Variants in CUX1 observed in about 807,000 individuals in gnomAD.
CUX1 encodes the protein cut like homeobox 1.
A neutral mutation model predicts 158.8 loss-of-function variants in CUX1; 31 were observed. That is an observed-to-expected ratio of 0.20 (90% CI 0.15 to 0.26). The LOEUF (loss-of-function observed/expected upper bound fraction) is 0.26. Ranked by LOEUF, CUX1 falls within the 10% of genes least tolerant of loss-of-function variation. CUX1 has a pLI of 1.00. For synonymous variants in CUX1, 879 were observed against 862.1 expected (o/e 1.02, Z -0.34); for missense variants, 1,589 against 2,014.6 (o/e 0.79, Z 4.04).
chr7:102,182,154 T>C (rs989650528), intron 11 of CUX1, among the ~76,000 whole-genome samples: 3 of 152,222 alleles, frequency 2.0e-5, no homozygotes, highest in Non-Finnish European at 4.4e-5. Flanking sequence ...TGGGCTCAGC[T>C]GTTTGGAGTT....
chr7:102,114,081 G>A (rs142910899), intron 7 of CUX1, among the ~76,000 whole-genome samples: 35 of 152,232 alleles, frequency 2.3e-4, no homozygotes, highest in Non-Finnish European at 4.4e-4. Flanking sequence ...GAGAACTGAA[G>A]GTTATTGCCA....
intron 2 of CUX1, among the ~76,000 whole-genome samples, chr7:102,025,206 T>C (rs1819843814): frequency 6.6e-6 from 1 of 152,204 alleles, no homozygotes; most frequent in Admixed American, 6.6e-5. Flanking sequence ...ATCCCTGACA[T>C]AATCCCATCT....
chr7:101,823,097 G>A (rs924929308), intron 1 of CUX1, among the ~76,000 whole-genome samples: 9 of 152,036 alleles, frequency 5.9e-5, no homozygotes, highest in African/African-American at 2.2e-4. Context: ...CTAACTGCAG[G>A]AGGCCCAGGA....
chr7:101,853,917 G>A (rs1365729922), intron 1 of CUX1, among the ~76,000 whole-genome samples: 1 of 152,206 alleles, frequency 6.6e-6, no homozygotes, highest in Non-Finnish European at 1.5e-5. Context: ...TGACCGCAGT[G>A]GCATTTTGCA....
intron 1 of CUX1, among the ~76,000 whole-genome samples, chr7:101,840,447 C>T (rs1329649121): frequency 2.0e-5 from 3 of 152,252 alleles, no homozygotes; most frequent in East Asian, 3.9e-4. Context: ...TATAAATAGG[C>T]GTTATCCTCT....
At chr7:101,861,484 C>T (rs1383858874) in intron 1 of CUX1, among the ~76,000 whole-genome samples, 5 of 152,184 alleles carry the variant, frequency 3.3e-5, no homozygotes, top group African/African-American at 1.2e-4. Context: ...AAACTGCCTG[C>T]CCGGCATGCA....
chr7:101,903,892 AG>A (rs1427854862), intron 1 of CUX1, among the ~76,000 whole-genome samples: 6 of 152,286 alleles, frequency 3.9e-5, no homozygotes, highest in African/African-American at 1.4e-4. Flanking sequence ...TTTATAAAAA[AG>A]GCTTGTAGGA....
intron 8 of CUX1, among the ~76,000 whole-genome samples, chr7:102,134,347 A>G (rs1478222211): frequency 6.6e-6 from 1 of 152,224 alleles, no homozygotes; most frequent in African/African-American, 2.4e-5. Context: ...AAAAATAAAA[A>G]TTAAAAAAAA....
intron 2 of CUX1, among the ~76,000 whole-genome samples, chr7:102,022,381 G>T (rs932587407): frequency 3.3e-5 from 5 of 152,112 alleles, no homozygotes; most frequent in Non-Finnish European, 7.3e-5. Context: ...ACTCTGGGAG[G>T]CTGATGTGGG....
rs782043472 is a variant in CUX1, at chr7:102,239,308, C to T, written c.3623-12C>T. On this transcript the variant is annotated splice_polypyrimidine_tract_variant and intron_variant, in intron 22 of 23. Transcript: ENST00000292535. ...TGGGCCTGACCTTAGTCTGCCATCT[C>T]TTCCTCCGCAGCCTACATGAAGCGG... is the stretch of plus-strand genomic sequence containing the variant. The T allele has an allele frequency of 6.3e-7, 1 of 1,593,440 alleles. No individual in the cohort carries two copies. Among genetic ancestry groups the T allele is most frequent in the South Asian group, 1.1e-5 (1 of 90,422 alleles).
Position 102,250,784 on chromosome 7 carries a change from G to A in CUX1, c.*1742G>A, listed in dbSNP as rs1255923942. On this transcript the variant is annotated 3_prime_UTR_variant, in exon 24 of 24. Coordinates refer to ENST00000292535, the MANE Select transcript of CUX1 (RefSeq NM_181552.4). ...AGAATAGAGGCGGGTGAGAGTGTGC[G>A]TGCGTGTGCGTGTGTGCAATTTTAT... 21 of 984,866 alleles carry A rather than the reference G, an allele frequency of 2.1e-5. 1 individual carries two copies. The highest frequency in any genetic ancestry group is 1.9e-4 in the South Asian group (4 of 21,258). 61.0% of individuals were successfully genotyped at this position (984,866 alleles called of 1,614,324 possible).
chr7:101,899,228 A>G (rs1453165437), intron 1 of CUX1, among the ~76,000 whole-genome samples: 1 of 152,212 alleles, frequency 6.6e-6, no homozygotes, highest in Non-Finnish European at 1.5e-5. Flanking sequence ...CCAGATCACA[A>G]TCCCCTCCCT....
intron 1 of CUX1, among the ~76,000 whole-genome samples, chr7:101,833,141 G>C (rs1794244548): frequency 6.6e-6 from 1 of 152,012 alleles, no homozygotes; most frequent in South Asian, 2.1e-4. Context: ...GCTTACACCT[G>C]TAATACCAAC....
chr7:102,126,692 C>CAA (rs1278275810), intron 8 of CUX1, among the ~76,000 whole-genome samples: 3 of 152,164 alleles, frequency 2.0e-5, no homozygotes, highest in Non-Finnish European at 4.4e-5. Context: ...CTGTCCCCAA[C>CAA]CTTGTTGGCA....
chr7:102,270,274 C>T (rs1791119968), intron 14 of CUX1, among the ~76,000 whole-genome samples: 1 of 152,218 alleles, frequency 6.6e-6, no homozygotes, highest in African/African-American at 2.4e-5. Context: ...GGATAGGGGA[C>T]CCTCCCGTGG....
At chr7:102,052,161 C>T (rs1186683592) in intron 3 of CUX1, among the ~76,000 whole-genome samples, 1 of 150,910 alleles carries the variant, frequency 6.6e-6, no homozygotes, top group African/African-American at 2.4e-5. Context: ...GCAGAGGTTG[C>T]AGTAAGCCGA....
chr7:101,976,900 ATTTTTTTTTTTTTTTTT>A (rs10643207), intron 2 of CUX1, among the ~76,000 whole-genome samples: 1 of 39,462 alleles, frequency 2.5e-5, no homozygotes, highest in African/African-American at 1.1e-4. Flanking sequence ...TCCCTTTCTG[ATTTTTTTTTTTTTTTTT>A]TTTTTTTTTT....
intron 2 of CUX1, among the ~76,000 whole-genome samples, chr7:101,987,282 C>T (rs753607210): frequency 3.6e-4 from 55 of 152,294 alleles, no homozygotes; most frequent in Non-Finnish European, 5.6e-4. Context: ...TAAACAGAGG[C>T]GCTCCTCTTG....
At chr7:101,863,603 G>A (rs1016531071) in intron 1 of CUX1, among the ~76,000 whole-genome samples, 5 of 152,130 alleles carry the variant, frequency 3.3e-5, no homozygotes, top group Non-Finnish European at 7.4e-5. Context: ...CACCCGCCTC[G>A]GCCTCCCACA....
Sources: allele counts gnomAD v4.1 joint callset (sites outside exome capture counted in the v4.1 genomes callset), GRCh38; gene constraint gnomAD v4.1.1; transcripts MANE v1.5; gene names NCBI Gene and HGNC (gene_info 2026-07-23, HGNC 2026-07-21).